The following NKAIN3 variants were observed in gnomAD, a reference collection of about 807,000 sequenced individuals.
The protein encoded by NKAIN3 is sodium/potassium transporting ATPase interacting 3, also known as sodium/potassium-transporting ATPase subunit beta-1-interacting protein 3.
Under a neutral mutation model 30.2 loss-of-function variants are expected in NKAIN3, and 25 were observed. The ratio of observed to expected loss-of-function variants is 0.83; its 90% CI spans 0.60 to 1.16. NKAIN3 has a LOEUF of 1.16. Among genes scored for constraint, NKAIN3 ranks in the 50% most tolerant of loss-of-function variants. The probability of loss-of-function intolerance (pLI) is 0.00; values close to 1 mark genes in which losing one functional copy is unlikely to be tolerated. For synonymous variants in NKAIN3, 91 were observed against 89.6 expected, an observed-to-expected ratio of 1.02 and a Z score of -0.09; for missense variants, 225 against 254.1, an observed-to-expected ratio of 0.89 and a Z score of 0.78.
At chr8:62,409,956 C>G (rs190267093) in intron 1 of NKAIN3, among the ~76,000 whole-genome samples, 194 of 152,038 alleles carry the variant, frequency 1.3e-3, no homozygotes, top group African/African-American at 4.6e-3. Context: ...TATTTAGCAA[C>G]TTTTTAAAAT....
chr8:62,416,749 C>G (rs1804456118), intron 1 of NKAIN3, among the ~76,000 whole-genome samples: 1 of 152,062 alleles, frequency 6.6e-6, no homozygotes, highest in Non-Finnish European at 1.5e-5. Context: ...AATCCCAGCA[C>G]TTTGTGAGAC....
chr8:62,524,749 C>G (rs1277985760), intron 1 of NKAIN3, among the ~76,000 whole-genome samples: 1 of 152,004 alleles, frequency 6.6e-6, no homozygotes, highest in East Asian at 1.9e-4. Flanking sequence ...TATTTTCCCT[C>G]TTTATTCTTA....
chr8:62,980,183 CT>C lies in NKAIN3; in HGVS notation c.*14780del, dbSNP rs977806692. ...TTTCATCAAACATGAAAATAGCTTA[CT>C]TTTAACTGCTGGGTGTCAGTCTCTT... On this transcript the variant is annotated 3_prime_UTR_variant, in exon 7 of 7. Transcript: ENST00000623646. The C allele has an allele frequency of 1.3e-5, 2 of 152,164 alleles. No homozygotes were observed. The highest frequency in any genetic ancestry group is 4.8e-5 in the African/African-American group (2 of 41,432). 9.4% of individuals were successfully genotyped at this position (152,164 alleles called of 1,614,324 possible). A position where few individuals can be genotyped will look rare whatever the true frequency, so the allele number is the denominator to read the frequency against.
chr8:62,635,659 A>G (rs990141289), intron 3 of NKAIN3, among the ~76,000 whole-genome samples: 1 of 152,150 alleles, frequency 6.6e-6, no homozygotes, highest in Non-Finnish European at 1.5e-5. Context: ...CCCTCCTGTC[A>G]TGTGAAGATA....
rs757780283 is a variant in NKAIN3 at position 62,579,657 on chromosome 8, G to C, written c.173G>C (p.Arg58Thr). The C allele has an allele frequency of 1.3e-6, 2 of 1,541,498 alleles. No individual in the cohort carries two copies. Among genetic ancestry groups the C allele is most frequent in the South Asian group, 2.6e-5 (2 of 76,576 alleles). ...GGTTTGTTTGGGACCATTCAGTACA[G>C]ACCTCGATACATAATGGTGGTAAGT... is the stretch of plus-strand genomic sequence containing the variant. ...ILGLFGTIQY[R>T]PRYIMVYTVW... is the part of the protein sequence containing the mutation. The change falls in exon 2 of 7, where the codon AGA becomes ACA. Residue 58 changes from arginine to threonine, a missense_variant. Arg to Thr is a moderately conservative substitution (Grantham distance 71). Transcript: ENST00000623646.
chr8:62,891,316 C>T (rs1298672922), intron 4 of NKAIN3, among the ~76,000 whole-genome samples: 1 of 152,188 alleles, frequency 6.6e-6, no homozygotes, highest in East Asian at 1.9e-4. Flanking sequence ...ACATCAGACT[C>T]CAAGTTCTTC....
chr8:62,953,485 TG>T (rs1308754550), intron 5 of NKAIN3, among the ~76,000 whole-genome samples: 4 of 152,166 alleles, frequency 2.6e-5, no homozygotes, highest in African/African-American at 4.8e-5. Context: ...ATAGATTGTG[TG>T]GCTTCTCAAA....
intron 4 of NKAIN3, among the ~76,000 whole-genome samples, chr8:62,857,904 G>A (rs1045566916): frequency 1.3e-5 from 2 of 152,212 alleles, no homozygotes; most frequent in Non-Finnish European, 2.9e-5. Context: ...TAGTCATTTA[G>A]AAGAAAGGGG....
chr8:62,296,304 G>C (rs1309436484), intron 1 of NKAIN3, among the ~76,000 whole-genome samples: 3 of 152,168 alleles, frequency 2.0e-5, no homozygotes, highest in Non-Finnish European at 2.9e-5. Flanking sequence ...AGGCAGTCAT[G>C]AGAACCAGAC....
chr8:62,852,837 G>T (rs1184327591), intron 4 of NKAIN3, among the ~76,000 whole-genome samples: 1 of 152,050 alleles, frequency 6.6e-6, no homozygotes, highest in Non-Finnish European at 1.5e-5. Context: ...TATCATTTCT[G>T]TTCTTTTACA....
At chr8:62,861,815 T>A (rs1248803769) in intron 4 of NKAIN3, among the ~76,000 whole-genome samples, 2 of 152,212 alleles carry the variant, frequency 1.3e-5, no homozygotes, top group Non-Finnish European at 2.9e-5. Flanking sequence ...AGGATGCACA[T>A]CTGTGCAAAG....
At chr8:62,668,017 T>A (rs1813181368) in intron 3 of NKAIN3, among the ~76,000 whole-genome samples, 1 of 152,044 alleles carries the variant, frequency 6.6e-6, no homozygotes, top group Non-Finnish European at 1.5e-5. Context: ...TAATCCAGAT[T>A]TGGGCTCCAA....
intron 1 of NKAIN3, among the ~76,000 whole-genome samples, chr8:62,521,484 G>A (rs1313333098): frequency 1.3e-5 from 2 of 152,124 alleles, no homozygotes; most frequent in East Asian, 3.9e-4. Context: ...AATCCCATGT[G>A]TATTTCAGAG....
At chr8:62,367,777 A>T (rs779057671) in intron 1 of NKAIN3, among the ~76,000 whole-genome samples, 8 of 152,088 alleles carry the variant, frequency 5.3e-5, no homozygotes, top group Non-Finnish European at 1.0e-4. Context: ...AGACCTCCAA[A>T]TTGGAAGGAA....
At chr8:62,379,128 C>A (rs1334117836) in intron 1 of NKAIN3, among the ~76,000 whole-genome samples, 2 of 152,196 alleles carry the variant, frequency 1.3e-5, no homozygotes, top group African/African-American at 4.8e-5. Flanking sequence ...GGTTTAATGA[C>A]AACTCTGTTG....
chr8:62,768,722 A>G (rs1219202292), intron 4 of NKAIN3, among the ~76,000 whole-genome samples: 1 of 152,208 alleles, frequency 6.6e-6, no homozygotes, highest in Non-Finnish European at 1.5e-5. Context: ...GGCTGACAAA[A>G]GGTAAATGGT....
In NKAIN3 at chr8:62,968,738, C is replaced by A. The variant is rs1456941952; in HGVS notation, c.*3331C>A. On this transcript the variant is annotated 3_prime_UTR_variant, in exon 7 of 7. Transcript: ENST00000623646. ...TTGGCCAGCCCTTCCTCAGGCCGTG[C>A]CTTCTATCTTGTGTGAATGATGCAT... Among the ~76,000 whole-genome samples the A allele has an allele frequency of 6.6e-6, 1 of 152,170 alleles. No homozygotes were observed. Among genetic ancestry groups the A allele is most frequent in the African/African-American group, 2.4e-5 (1 of 41,442 alleles).
At chr8:62,249,155 G>C in intron 1 of NKAIN3, 28 bp downstream of exon 1, 1 of 1,518,036 alleles carries the variant, frequency 6.6e-7, no homozygotes, top group Non-Finnish European at 8.8e-7. Context: ...CCCTGCCCCA[G>C]GACAGGTCCC....
At chr8:62,573,755 G>C (rs976072087) in intron 1 of NKAIN3, among the ~76,000 whole-genome samples, 1 of 151,468 alleles carries the variant, frequency 6.6e-6, no homozygotes, top group African/African-American at 2.4e-5. Flanking sequence ...AATTTTGTGG[G>C]TACATAGTAG....
Sources: allele counts gnomAD v4.1 joint callset (sites outside exome capture counted in the v4.1 genomes callset), GRCh38; gene constraint gnomAD v4.1.1; transcripts MANE v1.5; gene names NCBI Gene and HGNC (gene_info 2026-07-23, HGNC 2026-07-21).